GRIK2: variants seen among roughly 807,000 people sequenced by gnomAD.
The protein encoded by GRIK2 is glutamate receptor ionotropic, kainate 2.
A neutral mutation model predicts 100.3 loss-of-function variants in GRIK2; 32 were observed. That is an observed-to-expected ratio of 0.32 (90% confidence interval 0.24 to 0.43). GRIK2 has a LOEUF of 0.43. Ranked by LOEUF, GRIK2 falls within the 20% of genes least tolerant of loss-of-function variation. GRIK2 has a pLI of 1.00. For synonymous variants in GRIK2, 417 were observed against 389.4 expected (o/e 1.07, Z -0.83); for missense variants, 843 against 1,114.9 (o/e 0.76, Z 3.47).
At chr6:101,675,290 C>A (rs533782772) in intron 4 of GRIK2, among the ~76,000 whole-genome samples, 1 of 120,354 alleles carries the variant, frequency 8.3e-6, no homozygotes, top group African/African-American at 2.9e-5. Flanking sequence ...CGCACGCACA[C>A]GCAGACACAC....
At chr6:101,452,231 A>C (rs1770743155) in intron 2 of GRIK2, among the ~76,000 whole-genome samples, 2 of 151,782 alleles carry the variant, frequency 1.3e-5, no homozygotes, top group African/African-American at 4.8e-5. Context: ...ATTGATAATC[A>C]GCATAGTATG....
intron 14 of GRIK2, among the ~76,000 whole-genome samples, chr6:101,935,338 C>A (rs866990955): frequency 1.3e-5 from 2 of 151,800 alleles, no homozygotes; most frequent in Non-Finnish European, 2.9e-5. Context: ...AATAGGGAGT[C>A]TTTTCCCTTT....
Position 101,753,020 on chromosome 6 carries a change from C to T in GRIK2, c.952-46628C>T, listed in dbSNP as rs149867693. Among the ~76,000 whole-genome samples the T allele has an allele frequency of 1.7e-3, 263 of 152,096 alleles. 1 individual carries two copies. The highest frequency in any genetic ancestry group is 6.0e-3 in the African/African-American group (250 of 41,494). On this transcript the variant is annotated intron_variant, in intron 7 of 16. Coordinates refer to ENST00000369134, the MANE Select transcript of GRIK2 (RefSeq NM_021956.5). ...TCAAGACAAAATAAGACGGGCTGGG[C>T]GCGGTGGCTCACGCTTGTAATCCCA...
intron 4 of GRIK2, among the ~76,000 whole-genome samples, chr6:101,655,623 C>T (rs994118891): frequency 6.6e-6 from 1 of 151,968 alleles, no homozygotes; most frequent in African/African-American, 2.4e-5. Flanking sequence ...TGCATTAAAG[C>T]AAAAATAAAT....
rs1769423872 is a variant in GRIK2 at position 102,021,555 on chromosome 6, TAA to T, written c.2086-13783_2086-13782del. Among the ~76,000 whole-genome samples, 4 of 151,812 alleles carry T rather than the reference TAA, an allele frequency of 2.6e-5. No individual in the cohort carries two copies. The South Asian group carries it at 8.3e-4, about 32-fold the overall frequency. ...GTAGTTTGCTAATTAATATTTGAAG[TAA>T]AATATTAAAACCCATTAATAATAAT... is the stretch of plus-strand genomic sequence containing the variant. On this transcript the variant is annotated intron_variant, in intron 14 of 16. Coordinates refer to ENST00000369134, the MANE Select transcript of GRIK2 (RefSeq NM_021956.5).
At chr6:101,696,730 A>G (rs995861399) in intron 7 of GRIK2, among the ~76,000 whole-genome samples, 9 of 152,028 alleles carry the variant, frequency 5.9e-5, no homozygotes, top group Non-Finnish European at 1.3e-4. Flanking sequence ...TTATAGATTC[A>G]GAAACATAGA....
intron 14 of GRIK2, among the ~76,000 whole-genome samples, chr6:101,999,113 A>C (rs191906536): frequency 6.6e-6 from 1 of 151,782 alleles, no homozygotes. Flanking sequence ...TTTTTCTATA[A>C]CAATACTACA....
At chr6:101,619,752 A>G (rs953358135) in intron 2 of GRIK2, among the ~76,000 whole-genome samples, 1 of 152,058 alleles carries the variant, frequency 6.6e-6, no homozygotes, top group African/African-American at 2.4e-5. Context: ...GTTACGTCTT[A>G]TTAAGTCATC....
intron 4 of GRIK2, among the ~76,000 whole-genome samples, chr6:101,650,435 T>C (rs1781730801): frequency 6.6e-6 from 1 of 152,122 alleles, no homozygotes; most frequent in South Asian, 2.1e-4. Flanking sequence ...CAAATTCCCC[T>C]GTCAAAGAAT....
intron 2 of GRIK2, among the ~76,000 whole-genome samples, chr6:101,478,119 A>C (rs1379024140): frequency 6.6e-6 from 1 of 152,148 alleles, no homozygotes; most frequent in East Asian, 1.9e-4. Flanking sequence ...ATGTTAATGG[A>C]ATTTATGATT....
At chr6:101,434,804 G>A (rs1291866203) in intron 2 of GRIK2, among the ~76,000 whole-genome samples, 1 of 151,990 alleles carries the variant, frequency 6.6e-6, no homozygotes, top group Non-Finnish European at 1.5e-5. Flanking sequence ...TGTAAATGGG[G>A]CACTTCTCTC....
intron 10 of GRIK2, among the ~76,000 whole-genome samples, chr6:101,819,568 C>T (rs907705082): frequency 6.6e-6 from 1 of 152,086 alleles, no homozygotes; most frequent in South Asian, 2.1e-4. Context: ...GTCTAAGACA[C>T]CCTTTTACTT....
chr6:101,483,980 T>G (rs997464168), intron 2 of GRIK2, among the ~76,000 whole-genome samples: 4 of 152,240 alleles, frequency 2.6e-5, no homozygotes, highest in Non-Finnish European at 4.4e-5. Flanking sequence ...TTGAAAGATA[T>G]TGGGCAGCCA....
intron 7 of GRIK2, among the ~76,000 whole-genome samples, chr6:101,788,673 A>T (rs970626705): frequency 2.0e-5 from 3 of 152,124 alleles, no homozygotes; most frequent in Non-Finnish European, 4.4e-5. Context: ...ATAAACATAC[A>T]TGTGCATGTG....
At chr6:101,617,682 A>G (rs1273097842) in intron 2 of GRIK2, among the ~76,000 whole-genome samples, 1 of 151,784 alleles carries the variant, frequency 6.6e-6, no homozygotes, top group Non-Finnish European at 1.5e-5. Context: ...ATTTTCCATA[A>G]TACCATGAAA....
At chr6:101,522,704 C>A (rs915290899) in intron 2 of GRIK2, among the ~76,000 whole-genome samples, 1 of 151,916 alleles carries the variant, frequency 6.6e-6, no homozygotes, top group Non-Finnish European at 1.5e-5. Context: ...CTCTGTTCTG[C>A]CCTCAGCCTT....
chr6:102,027,105 A>G (rs990645783), intron 14 of GRIK2, among the ~76,000 whole-genome samples: 1 of 151,348 alleles, frequency 6.6e-6, no homozygotes, highest in Non-Finnish European at 1.5e-5. Flanking sequence ...AGGGCTTATT[A>G]CATGTAACTT....
intron 15 of GRIK2, among the ~76,000 whole-genome samples, chr6:102,041,247 T>C (rs1770554476): frequency 6.6e-6 from 1 of 151,662 alleles, no homozygotes; most frequent in Non-Finnish European, 1.5e-5. Flanking sequence ...ACCCAAACAA[T>C]GTAGAAATGG....
intron 2 of GRIK2, among the ~76,000 whole-genome samples, chr6:101,576,383 A>T (rs1777788614): frequency 6.6e-6 from 1 of 152,066 alleles, no homozygotes; most frequent in African/African-American, 2.4e-5. Flanking sequence ...TATGATGTTT[A>T]TGAGGTGATA....
Sources: allele counts gnomAD v4.1 joint callset (sites outside exome capture counted in the v4.1 genomes callset), GRCh38; gene constraint gnomAD v4.1.1; transcripts MANE v1.5; gene names NCBI Gene and HGNC (gene_info 2026-07-23, HGNC 2026-07-21).